The following GDI2 variants were observed in gnomAD, a reference collection of about 807,000 sequenced individuals.
The protein encoded by GDI2 is GDP dissociation inhibitor 2, also known as rab GDP dissociation inhibitor beta.
In GDI2, 22 loss-of-function variants were observed where a neutral mutation model predicts 54.2. That is an observed-to-expected ratio of 0.41 (90% CI 0.29 to 0.58). GDI2 has a LOEUF of 0.58. GDI2 is among the 20% of genes least tolerant of loss of function. The pLI is 0.35. For synonymous variants in GDI2, 177 were observed against 182.1 expected (o/e 0.97, Z 0.23); for missense variants, 422 against 546.0 (o/e 0.77, Z 2.26).
intron 7 of GDI2, among the ~76,000 whole-genome samples, chr10:5,772,593 C>T (rs1210695220): frequency 6.6e-6 from 1 of 151,980 alleles, no homozygotes; most frequent in East Asian, 1.9e-4. Context: ...CCCATCTCTA[C>T]TAAAAATACA....
At chr10:5,791,459 A>G (rs1187084379) in intron 4 of GDI2, among the ~76,000 whole-genome samples, 1 of 151,802 alleles carries the variant, frequency 6.6e-6, no homozygotes, top group African/African-American at 2.4e-5. Context: ...AAACATACAA[A>G]AATTATGGCC....
At chr10:5,797,483 T>C (rs1037876371) in intron 2 of GDI2, among the ~76,000 whole-genome samples, 9 of 142,882 alleles carry the variant, frequency 6.3e-5, no homozygotes, top group Admixed American at 1.5e-4. Flanking sequence ...AGGCAGAGGT[T>C]GCAGTGAGCC....
At chr10:5,802,554 G>A (rs376136332) in intron 1 of GDI2, among the ~76,000 whole-genome samples, 1 of 151,030 alleles carries the variant, frequency 6.6e-6, no homozygotes, top group Non-Finnish European at 1.5e-5. Flanking sequence ...AGCCGAGATC[G>A]CGCCACTGCA....
chr10:5,800,166 A>C (rs1841237008), intron 2 of GDI2, among the ~76,000 whole-genome samples: 2 of 152,222 alleles, frequency 1.3e-5, no homozygotes, highest in East Asian at 3.8e-4. Flanking sequence ...GTTCAAAAAA[A>C]GTAGGAAACA....
rs1239096680 is a variant in GDI2 at position 5,795,036 on chromosome 10, A to G, written c.254-17T>C. 6.6e-7 allele frequency: 1 copy of G among 1,504,408 alleles called. No individual in the cohort carries two copies. The highest frequency in any genetic ancestry group is 9.2e-7 in the Non-Finnish European group (1 of 1,083,970). The allele number at this position is 1,504,408 out of a possible 1,614,324, so 93.2% of individuals were successfully genotyped here. ...CCAGCTGACCTAGAAAAGTCACATA[A>G]TTCAAACTATAACTTAAGTCTATAA... is the stretch of plus-strand genomic sequence containing the variant. On this transcript the variant is annotated splice_polypyrimidine_tract_variant and intron_variant, in intron 3 of 10. Transcript: ENST00000380191.
chr10:5,800,760 G>A, intron 1 of GDI2, 55 bp from the exon 2 acceptor site: 1 of 881,968 alleles, frequency 1.1e-6, no homozygotes, highest in Non-Finnish European at 1.9e-6. Context: ...ATTTAAAACA[G>A]ATCATTTTTT....
At chr10:5,767,888 G>T (rs754011152) in intron 8 of GDI2, among the ~76,000 whole-genome samples, 1 of 152,140 alleles carries the variant, frequency 6.6e-6, no homozygotes, top group Non-Finnish European at 1.5e-5. Context: ...ATTAGCTCAA[G>T]AATATACTCG....
At position 5,774,072 on chromosome 10, in the gene GDI2, G is replaced by T; in HGVS notation, c.720-131C>A. 2.0e-6 allele frequency: 1 copy of T among 504,312 alleles called. No homozygotes were observed. The highest frequency in any genetic ancestry group is 3.4e-6 in the Non-Finnish European group (1 of 290,892). The allele number at this position is 504,312 out of a possible 1,614,324, so 31.2% of individuals were successfully genotyped here. A position where few individuals can be genotyped will look rare whatever the true frequency, so the allele number is the denominator to read the frequency against. ...TTCCTTCTAGAAAGATGTCAGCTTA[G>T]AAGTGATTAAAGCAAGAAAACAGAG... is the stretch of plus-strand genomic sequence containing the variant. On this transcript the variant is annotated intron_variant, in intron 6 of 10. Transcript: ENST00000380191. This position sits in a 1 kb window ranked among gnomAD's most constrained non-coding sequence, Gnocchi z 4.8.
At chr10:5,801,813 C>A (rs57936201) in intron 1 of GDI2, among the ~76,000 whole-genome samples, 264 of 152,248 alleles carry the variant, frequency 1.7e-3, no homozygotes, top group African/African-American at 5.7e-3. Flanking sequence ...GAATTTCAGA[C>A]CAGCCTGGGC....
At chr10:5,778,178 T>C (rs1840668875) in intron 6 of GDI2, among the ~76,000 whole-genome samples, 1 of 152,070 alleles carries the variant, frequency 6.6e-6, no homozygotes, top group Admixed American at 6.5e-5. Context: ...GTACCTAATG[T>C]AGATGATGGG....
intron 6 of GDI2, among the ~76,000 whole-genome samples, chr10:5,782,922 G>C (rs996600605): frequency 6.6e-6 from 1 of 151,982 alleles, no homozygotes; most frequent in Non-Finnish European, 1.5e-5. Context: ...AACAAGAGTG[G>C]AACTCCATCT....
chr10:5,785,229 A>G lies in GDI2; in HGVS notation c.632T>C (p.Leu211Pro). The G allele has an allele frequency of 6.2e-7, 1 of 1,604,702 alleles. No homozygotes were observed. Among genetic ancestry groups the G allele is most frequent in the East Asian group, 2.2e-5 (1 of 44,800 alleles). The part of the protein sequence containing the change: ...PCYETINRIK[L>P]YSESLARYGK... ...ATATCTTGCCAAAGATTCACTGTAA[A>G]GTTTAATTCTATTAATGGTTTCATA... The change falls in exon 6 of 11, where the codon CTT (leucine) becomes CCT (proline). Residue 211 changes from leucine (L) to proline (P), a missense_variant. Leu to Pro is a moderately conservative substitution (Grantham distance 98, BLOSUM62 -3). Coordinates refer to ENST00000380191, the MANE Select transcript of GDI2 (RefSeq NM_001494.4).
At chr10:5,813,003 C>CGCCTG (rs1477771154) in intron 1 of GDI2, among the ~76,000 whole-genome samples, 1 of 152,166 alleles carries the variant, frequency 6.6e-6, no homozygotes, top group East Asian at 1.9e-4. Context: ...TCCATTTCCC[C>CGCCTG]GCCTGCCCCT....
Position 5,786,024 on chromosome 10 carries a change from G to C in GDI2, c.415C>G (p.Arg139Gly). ...ACATACACTAGGAATTTCCTGAAGC[G>C]ACGTTTTTCAAACAATCCCATTAGG... ...SSLMGLFEKR[R>G]FRKFLVYVAN... is the part of the protein sequence containing the mutation. The change falls in exon 5 of 11, where the codon CGC (arginine) becomes GGC (glycine). Residue 139 changes from arginine to glycine, a missense_variant. Physicochemically the swap from Arg to Gly is moderately radical, Grantham distance 125. Transcript: ENST00000380191. 1 of 1,613,090 alleles carries C rather than the reference G, an allele frequency of 6.2e-7. No homozygotes were observed. Among genetic ancestry groups the C allele is most frequent in the Non-Finnish European group, 8.5e-7 (1 of 1,179,306 alleles).
chr10:5,775,306 A>C (rs1311068103), intron 6 of GDI2, among the ~76,000 whole-genome samples: 3 of 152,210 alleles, frequency 2.0e-5, no homozygotes, highest in Non-Finnish European at 4.4e-5. Flanking sequence ...ATAGTAATAA[A>C]GTGGGGGGAA....
intron 5 of GDI2, 61 bp downstream of exon 5, chr10:5,785,791 G>T (rs1453761214): frequency 2.0e-6 from 2 of 1,004,530 alleles, no homozygotes; most frequent in Non-Finnish European, 3.1e-6. Flanking sequence ...CCACTTGGAA[G>T]ACTTGGGAAA....
intron 1 of GDI2, among the ~76,000 whole-genome samples, chr10:5,811,068 G>C (rs1841472265): frequency 6.6e-6 from 1 of 152,110 alleles, no homozygotes; most frequent in African/African-American, 2.4e-5. Context: ...AGTTAATTCT[G>C]AGTGCTAACT....
intron 2 of GDI2, among the ~76,000 whole-genome samples, chr10:5,799,444 G>C (rs990708746): frequency 3.9e-5 from 6 of 151,926 alleles, no homozygotes; most frequent in Non-Finnish European, 8.8e-5. Context: ...ATGAGGTCAG[G>C]GGTTCCAGAC....
At chr10:5,788,788 T>C (rs1006376910) in intron 4 of GDI2, among the ~76,000 whole-genome samples, 1 of 150,590 alleles carries the variant, frequency 6.6e-6, no homozygotes, top group Non-Finnish European at 1.5e-5. Context: ...TTAAAAGGAG[T>C]CTCACTCTGT....
Sources: gnomAD v4.1 joint callset for allele counts (sites outside exome capture counted in the v4.1 genomes callset) on GRCh38, gnomAD v4.1.1 for gene constraint, Gnocchi (gnomAD v3.1) non-coding constraint, MANE v1.5 for transcripts, NCBI Gene and HGNC (gene_info 2026-07-23, HGNC 2026-07-21) for gene names.